The following GYG2 variants were observed in gnomAD, a reference collection of about 807,000 sequenced individuals.
GYG2 encodes glycogenin-2.
Under a neutral mutation model 29.4 loss-of-function variants are expected in GYG2, and 29 were observed. The ratio of observed to expected loss-of-function variants is 0.99; its 90% CI spans 0.74 to 1.35. The LOEUF is 1.35. Among genes scored for constraint, GYG2 ranks in the 40% most tolerant of loss-of-function variants. GYG2 has a pLI of 0.00. For synonymous variants in GYG2, 167 were observed against 172.3 expected (o/e 0.97, Z 0.24); for missense variants, 370 against 385.7 (o/e 0.96, Z 0.34).
At chrX:2,830,305 C>A in intron 2 of GYG2, 110 bp downstream of exon 2, 11 of 687,940 alleles carry the variant, frequency 1.6e-5, no homozygotes, top group Non-Finnish European at 2.5e-5. Context: ...TGCCCCAAAC[C>A]CCGAGTCTCC....
chrX:2,841,436 A>T (rs1487185626), intron 2 of GYG2, among the ~76,000 whole-genome samples: 1 of 111,232 alleles, frequency 9.0e-6, no homozygotes, highest in Non-Finnish European at 1.9e-5. Context: ...GGACGGATGG[A>T]TGGATGGATG....
chrX:2,877,149 A>G, intron 9 of GYG2, 51 bp from the exon 10 acceptor site: 5 of 1,194,681 alleles, frequency 4.2e-6, no homozygotes, highest in Non-Finnish European at 5.7e-6. Flanking sequence ...GGTTAGGGCT[A>G]CAGTTCCCTG....
rs752833676 is a variant in GYG2, at chrX:2,869,355, C to G, written c.1039-6455C>G. Reference sequence around the variant, plus strand: ...GAGCATCCGTGGATTTTGGTATAACCAGGAGGTCCTGGAACCAATCCTCCA... The same window carrying G: ...GAGCATCCGTGGATTTTGGTATAACGAGGAGGTCCTGGAACCAATCCTCCA... On this transcript the variant is annotated intron_variant, in intron 8 of 10. Coordinates refer to ENST00000398806, the MANE Select transcript of GYG2 (RefSeq NM_001079855.2). Among the ~76,000 whole-genome samples, 27 of 110,736 alleles carry G rather than the reference C, an allele frequency of 2.4e-4. 1 individual carries two copies. The highest frequency in any genetic ancestry group is 4.3e-4 in the Non-Finnish European group (23 of 52,955).
At chrX:2,874,304 A>G (rs950393412) in intron 8 of GYG2, among the ~76,000 whole-genome samples, 4 of 111,931 alleles carry the variant, frequency 3.6e-5, no homozygotes, top group Admixed American at 9.5e-5. Flanking sequence ...GCCTTAGGGC[A>G]TTGCACATGC....
At chrX:2,839,830 C>T (rs2087455895) in intron 2 of GYG2, among the ~76,000 whole-genome samples, 1 of 112,024 alleles carries the variant, frequency 8.9e-6, no homozygotes, top group Non-Finnish European at 1.9e-5. Context: ...GTGTTTGATT[C>T]CATTTATAGG....
intron 9 of GYG2, among the ~76,000 whole-genome samples, chrX:2,876,873 C>T (rs1013344314): frequency 9.0e-5 from 10 of 110,511 alleles, no homozygotes; most frequent in African/African-American, 1.6e-4. Flanking sequence ...GGCGTGAACC[C>T]GGGAGGTGGA....
chrX:2,855,260 C>A, intron 5 of GYG2, 105 bp downstream of exon 5: 1 of 680,433 alleles, frequency 1.5e-6, no homozygotes, highest in Non-Finnish European at 2.3e-6. Flanking sequence ...CCTCGCTCAG[C>A]GACAGGGATG....
chrX:2,880,559 CA>C (rs34506149), intron 10 of GYG2, among the ~76,000 whole-genome samples: 5,554 of 110,508 alleles, frequency 0.05, 330 homozygotes, highest in African/African-American at 0.17. Flanking sequence ...AACACTTAAG[CA>C]AAAAAAATTA....
chrX:2,848,499 C>T (rs1603459062), intron 3 of GYG2, among the ~76,000 whole-genome samples: 1 of 71,326 alleles, frequency 1.4e-5, no homozygotes. Context: ...GATCGCGCCA[C>T]CTGCACTCCA....
At chrX:2,829,524 C>T (rs1186640101) in intron 1 of GYG2, among the ~76,000 whole-genome samples, 1 of 35,194 alleles carries the variant, frequency 2.8e-5, no homozygotes, top group Non-Finnish European at 5.0e-5. Flanking sequence ...GGAGGAGGGG[C>T]GGCGAGAGGC....
At chrX:2,861,081 G>T (rs185613330) in intron 7 of GYG2, among the ~76,000 whole-genome samples, 1 of 110,230 alleles carries the variant, frequency 9.1e-6, no homozygotes, top group Non-Finnish European at 1.9e-5. Context: ...TCTGCTATCA[G>T]CACATGCATT....
intron 2 of GYG2, among the ~76,000 whole-genome samples, chrX:2,841,713 GA>G (rs1196792405): frequency 3.6e-5 from 4 of 111,804 alleles, no homozygotes; most frequent in Middle Eastern, 4.6e-3. Context: ...TATTTAGTGC[GA>G]ATTGTGGGTT....
intron 6 of GYG2, among the ~76,000 whole-genome samples, chrX:2,857,721 C>A (rs1243154714): frequency 9.0e-6 from 1 of 111,084 alleles, no homozygotes; most frequent in African/African-American, 3.3e-5. Context: ...TCGTTTCCTG[C>A]TTGCTTGTTG....
At position 2,840,917 on chromosome X, in the gene GYG2, AGATG is replaced by A. The variant is rs757744143; in HGVS notation, c.8-2288_8-2285del. 2.7e-3 allele frequency among the ~76,000 whole-genome samples: 301 copies of A among 111,621 alleles called. 1 individual carries two copies. The highest frequency in any genetic ancestry group is 9.1e-3 in the African/African-American group (281 of 30,816). On this transcript the variant is annotated intron_variant, in intron 2 of 10. Coordinates refer to ENST00000398806, the MANE Select transcript of GYG2 (RefSeq NM_001079855.2). ...GAGGATTGGTAGATGATAGGTGGAT[AGATG>A]GATGGATAGATGATAGGTAGATGGA...
intron 8 of GYG2, among the ~76,000 whole-genome samples, chrX:2,865,778 C>T (rs2088281652): frequency 8.9e-6 from 1 of 111,750 alleles, no homozygotes; most frequent in African/African-American, 3.3e-5. Flanking sequence ...CTCTTTTCCA[C>T]TGTTGATGGG....
chrX:2,839,137 T>C (rs1295529852), intron 2 of GYG2, among the ~76,000 whole-genome samples: 1 of 112,573 alleles, frequency 8.9e-6, no homozygotes, highest in African/African-American at 3.2e-5. Context: ...GGTTGGGAAT[T>C]CCACTTCTGT....
At chrX:2,856,841 CTATT>C (rs1397863172) in intron 6 of GYG2, among the ~76,000 whole-genome samples, 12 of 107,349 alleles carry the variant, frequency 1.1e-4, no homozygotes, top group African/African-American at 4.1e-4. Context: ...ATCTAAATAT[CTATT>C]TATCTGTATA....
chrX:2,847,580 T>C (rs1569059587), intron 3 of GYG2, among the ~76,000 whole-genome samples: 1 of 104,757 alleles, frequency 9.5e-6, no homozygotes, highest in Admixed American at 1.1e-4. Flanking sequence ...GGCAGGCACC[T>C]GTAATCCCAG....
rs1000013692 is a variant in GYG2 at position 2,870,241 on chromosome X, G to A, written c.1039-5569G>A. ...TTTTGAGACAGAGACTTGCTCTGTC[G>A]TCCAGGCTAGAGTGCACTGGTGCGA... On this transcript the variant is annotated intron_variant, in intron 8 of 10. Coordinates refer to ENST00000398806, the MANE Select transcript of GYG2 (RefSeq NM_001079855.2). 4.4e-4 allele frequency among the ~76,000 whole-genome samples: 48 copies of A among 109,424 alleles called. 1 individual carries two copies. Among genetic ancestry groups the A allele is most frequent in the Middle Eastern group, 4.6e-3 (1 of 216 alleles).
Sources: allele counts gnomAD v4.1 joint callset (sites outside exome capture counted in the v4.1 genomes callset), GRCh38; gene constraint gnomAD v4.1.1; transcripts MANE v1.5; gene names NCBI Gene and HGNC (gene_info 2026-07-23, HGNC 2026-07-21).